The following GNAO1 variants were observed in gnomAD, a reference collection of about 807,000 sequenced individuals.
The protein encoded by GNAO1 is guanine nucleotide-binding protein G(o) subunit alpha.
For synonymous variants in GNAO1, 164 were observed against 180.7 expected (o/e 0.91, Z 0.74); for missense variants, 166 against 478.7 (o/e 0.35, Z 6.10).
Position 56,350,896 on chromosome 16 carries a change from C to T in GNAO1, c.724-488C>T, listed in dbSNP as rs149673687. ...CCGGTCCAGACTCCCCCAACGCCCA[C>T]ACACACAGGCACACACACAGGCACG... On this transcript the variant is annotated intron_variant, in intron 6 of 8. Coordinates refer to ENST00000262493, the MANE Select transcript of GNAO1 (RefSeq NM_020988.3). Among the ~76,000 whole-genome samples, 6 of 152,306 alleles carry T rather than the reference C, an allele frequency of 3.9e-5. No homozygotes were observed. In the East Asian group the frequency reaches 1.2e-3, roughly 29 times the overall value.
chr16:56,215,664 G>A (rs759141914), intron 2 of GNAO1, among the ~76,000 whole-genome samples: 9 of 152,156 alleles, frequency 5.9e-5, no homozygotes, highest in Non-Finnish European at 1.3e-4. Flanking sequence ...GATTCTTGGG[G>A]CACAGTGAAT....
chr16:56,271,847 G>T (rs1204358421), intron 2 of GNAO1, among the ~76,000 whole-genome samples: 2 of 152,136 alleles, frequency 1.3e-5, no homozygotes, highest in African/African-American at 4.8e-5. Flanking sequence ...AGGAAACCGA[G>T]GCTCAGGAGA....
intron 7 of GNAO1, chr16:56,352,407 G>T (rs1433818685): frequency 2.0e-5 from 3 of 152,518 alleles, no homozygotes; most frequent in Non-Finnish European, 4.4e-5. Context: ...TCCCTCTAGG[G>T]GCTGGGAAGC....
intron 2 of GNAO1, among the ~76,000 whole-genome samples, chr16:56,225,467 C>A (rs1437362288): frequency 6.6e-6 from 1 of 152,128 alleles, no homozygotes; most frequent in African/African-American, 2.4e-5. Context: ...GGTGACTCTC[C>A]CTGATCACCC....
chr16:56,286,206 A>T (rs2037164948), intron 3 of GNAO1, among the ~76,000 whole-genome samples: 1 of 152,134 alleles, frequency 6.6e-6, no homozygotes, highest in Admixed American at 6.5e-5. Flanking sequence ...ACACATCTGC[A>T]CACACGCTCA....
At chr16:56,217,627 G>T (rs1429430799) in intron 2 of GNAO1, among the ~76,000 whole-genome samples, 3 of 152,282 alleles carry the variant, frequency 2.0e-5, no homozygotes, top group African/African-American at 7.2e-5. Context: ...TGAAGGGCTG[G>T]TGAGTGACAG....
chr16:56,333,610 G>A (rs115952473), intron 4 of GNAO1, among the ~76,000 whole-genome samples: 1 of 152,350 alleles, frequency 6.6e-6, no homozygotes, highest in African/African-American at 2.4e-5. Context: ...CACAAGGATT[G>A]TCACTGGGTT....
chr16:56,355,125 T>TACAC lies in GNAO1; in HGVS notation c.*28+71_*28+74dup, dbSNP rs59437828. 7.3e-3 allele frequency: 4,049 copies of TACAC among 556,116 alleles called. 94 individuals carry two copies. Among genetic ancestry groups the TACAC allele is most frequent in the African/African-American group, 0.062 (2,986 of 48,544 alleles). 34.4% of individuals were successfully genotyped at this position (556,116 alleles called of 1,614,324 possible). The stretch of plus-strand genomic sequence containing the variant: ...ACAGAACAGCTTGCGTGCGCGCGCA[T>TACAC]ACACACACACACACACACACACACA... On this transcript the variant is annotated intron_variant, in intron 8 of 8. Coordinates refer to ENST00000262493, the MANE Select transcript of GNAO1 (RefSeq NM_020988.3).
intron 3 of GNAO1, among the ~76,000 whole-genome samples, chr16:56,294,329 A>G (rs1484678466): frequency 7.0e-6 from 1 of 142,506 alleles, no homozygotes; most frequent in Non-Finnish European, 1.5e-5. Context: ...ACCACAGCAG[A>G]AGGCTTTGCT....
intron 3 of GNAO1, among the ~76,000 whole-genome samples, chr16:56,283,253 T>G (rs1262439311): frequency 6.6e-6 from 1 of 152,216 alleles, no homozygotes; most frequent in Non-Finnish European, 1.5e-5. Context: ...CCATGCTTTT[T>G]CAGGGTGTGG....
chr16:56,303,503 C>A (rs1458945002), intron 3 of GNAO1, among the ~76,000 whole-genome samples: 1 of 152,218 alleles, frequency 6.6e-6, no homozygotes, highest in African/African-American at 2.4e-5. Flanking sequence ...TCTGTGTGGA[C>A]AGACCCTGAC....
intron 5 of GNAO1, among the ~76,000 whole-genome samples, chr16:56,335,991 C>A (rs8054952): frequency 0.043 from 6,622 of 152,288 alleles, 476 homozygotes; most frequent in African/African-American, 0.15. Context: ...CTCTGGCAGG[C>A]TGTGTGTCAG....
chr16:56,265,041 C>T (rs1377248187), intron 2 of GNAO1, among the ~76,000 whole-genome samples: 1 of 152,196 alleles, frequency 6.6e-6, no homozygotes, highest in African/African-American at 2.4e-5. Context: ...GTCACCCAGC[C>T]TCTATCTTGT....
intron 3 of GNAO1, among the ~76,000 whole-genome samples, chr16:56,294,654 G>A (rs529955905): frequency 3.9e-5 from 6 of 152,316 alleles, no homozygotes; most frequent in Admixed American, 2.0e-4. Flanking sequence ...GCTGGGTCAC[G>A]TTGGGAGGGT....
chr16:56,327,970 C>T (rs1418920586), intron 3 of GNAO1, among the ~76,000 whole-genome samples: 10 of 152,148 alleles, frequency 6.6e-5, no homozygotes, highest in African/African-American at 2.4e-4. Flanking sequence ...TTTGAGCAGT[C>T]CAAGGGCCAA....
rs773287662 is a variant in GNAO1, at chr16:56,272,770, A to C, written c.162-3161A>C. Among the ~76,000 whole-genome samples the C allele has an allele frequency of 7.5e-4, 114 of 152,356 alleles. 2 individuals carry two copies. The highest frequency in any genetic ancestry group is 1.4e-3 in the Non-Finnish European group (94 of 68,026). On this transcript the variant is annotated intron_variant, in intron 2 of 8. Coordinates refer to ENST00000262493, the MANE Select transcript of GNAO1 (RefSeq NM_020988.3). ...TTTCCACCTGATCAAGTGCATATAAAGATTAATGATATCAATAGGTGTGAA... is the reference window on the plus strand; with the variant it reads ...TTTCCACCTGATCAAGTGCATATAACGATTAATGATATCAATAGGTGTGAA...
intron 3 of GNAO1, among the ~76,000 whole-genome samples, chr16:56,295,495 G>A (rs1036145883): frequency 1.3e-5 from 2 of 152,108 alleles, no homozygotes; most frequent in Admixed American, 6.5e-5. Context: ...GCTAAGGCAC[G>A]CTAGCACCCC....
intron 2 of GNAO1, among the ~76,000 whole-genome samples, chr16:56,237,940 G>A (rs189125338): frequency 8.5e-5 from 13 of 152,310 alleles, no homozygotes; most frequent in South Asian, 6.2e-4. Context: ...TGTGGGATCC[G>A]TAACCAGCTA....
intron 2 of GNAO1, chr16:56,213,490 G>A (rs1236257046): frequency 1.0e-5 from 4 of 394,942 alleles, no homozygotes; most frequent in African/African-American, 6.2e-5. Flanking sequence ...GGGAATGTTA[G>A]TTTTGGTTTT....
Sources: allele counts gnomAD v4.1 joint callset (sites outside exome capture counted in the v4.1 genomes callset), GRCh38; gene constraint gnomAD v4.1.1; transcripts MANE v1.5; gene names NCBI Gene and HGNC (gene_info 2026-07-23, HGNC 2026-07-21).